Variants in MOXD1 observed in about 807,000 individuals in gnomAD.
MOXD1 encodes DBH-like monooxygenase protein 1.
In MOXD1, 62 loss-of-function variants were observed where a neutral mutation model predicts 66.6. The observed-to-expected ratio is 0.93, with a 90% CI of 0.76 to 1.15. The LOEUF (loss-of-function observed/expected upper bound fraction) is 1.15, where lower values mean the gene tolerates loss of function less well. Ranked by LOEUF, MOXD1 falls within the 50% of genes most tolerant of loss-of-function variation. MOXD1 has a pLI of 0.00. For synonymous variants in MOXD1, 303 were observed against 281.9 expected (o/e 1.07, Z -0.75); for missense variants, 847 against 754.6 (o/e 1.12, Z -1.44).
chr6:132,359,364 G>A (rs1775968078), intron 4 of MOXD1, among the ~76,000 whole-genome samples: 1 of 152,076 alleles, frequency 6.6e-6, no homozygotes, highest in Non-Finnish European at 1.5e-5. Flanking sequence ...GAAAGCCACT[G>A]CATCTGCCTA....
intron 10 of MOXD1, among the ~76,000 whole-genome samples, chr6:132,299,940 T>A (rs560963789): frequency 2.8e-4 from 43 of 152,016 alleles, no homozygotes; most frequent in African/African-American, 9.9e-4. Context: ...CTCAGGCACA[T>A]TGAATATCAT....
chr6:132,303,036 ATG>A, intron 10 of MOXD1, among the ~76,000 whole-genome samples: 1 of 152,154 alleles, frequency 6.6e-6, no homozygotes, highest in Non-Finnish European at 1.5e-5. Flanking sequence ...ACACACAAAA[ATG>A]TGTTCAAAAT....
At chr6:132,383,704 A>C (rs1218172386) in intron 1 of MOXD1, among the ~76,000 whole-genome samples, 5 of 152,192 alleles carry the variant, frequency 3.3e-5, no homozygotes, top group African/African-American at 1.2e-4. Context: ...TGGAAAAAAC[A>C]ATTTCAGACT....
rs546024574 is a variant in MOXD1, at chr6:132,296,210, T to C, written c.*943A>G. On this transcript the variant is annotated 3_prime_UTR_variant, in exon 12 of 12. Transcript: ENST00000367963. The stretch of plus-strand genomic sequence containing the variant: ...CAATTTAAAGTCATTTATTAACTAA[T>C]ATAAAAATAAATCTACAATAGAACC... 6.6e-6 allele frequency: 1 copy of C among 152,236 alleles called. No homozygotes were observed. Among genetic ancestry groups the C allele is most frequent in the South Asian group, 2.1e-4 (1 of 4,828 alleles). The allele number at this position is 152,236 out of a possible 1,614,324, so 9.4% of individuals were successfully genotyped here.
chr6:132,391,835 C>T (rs1393182497), intron 1 of MOXD1: 1 of 169,422 alleles, frequency 5.9e-6, no homozygotes, highest in Non-Finnish European at 1.3e-5. Flanking sequence ...TTAGGTCTGC[C>T]TGTTTCCTCA....
At chr6:132,333,205 G>A (rs1003519454) in intron 4 of MOXD1, among the ~76,000 whole-genome samples, 16 of 151,906 alleles carry the variant, frequency 1.1e-4, no homozygotes, top group African/African-American at 1.9e-4. Context: ...GCGTGGTAGC[G>A]GGCACCTGTA....
chr6:132,393,814 G>T (rs1776818599), intron 1 of MOXD1, among the ~76,000 whole-genome samples: 1 of 152,096 alleles, frequency 6.6e-6, no homozygotes, highest in African/African-American at 2.4e-5. Context: ...TTGGGCTGAG[G>T]CAGGAGCCAC....
chr6:132,313,807 T>C (rs896933594), intron 10 of MOXD1, among the ~76,000 whole-genome samples: 1 of 151,952 alleles, frequency 6.6e-6, no homozygotes, highest in African/African-American at 2.4e-5. Flanking sequence ...CCCAGCTACT[T>C]GGGAGGCTGA....
At chr6:132,341,531 T>C (rs1244569982) in intron 4 of MOXD1, among the ~76,000 whole-genome samples, 4 of 152,188 alleles carry the variant, frequency 2.6e-5, no homozygotes, top group Non-Finnish European at 5.9e-5. Flanking sequence ...TGACCAATCA[T>C]ATTCAATGGC....
chr6:132,397,684 A>AAGAAAGAAAGAAAG (rs1562303341), intron 1 of MOXD1, among the ~76,000 whole-genome samples: 1 of 134,570 alleles, frequency 7.4e-6, no homozygotes, highest in African/African-American at 2.8e-5. Context: ...GAAAGAAAGA[A>AAGAAAGAAAGAAAG]AGAAAGAAAG....
intron 10 of MOXD1, among the ~76,000 whole-genome samples, chr6:132,305,876 C>T (rs1280135470): frequency 6.6e-6 from 1 of 152,054 alleles, no homozygotes; most frequent in Non-Finnish European, 1.5e-5. Flanking sequence ...GCCTTGAATA[C>T]CAAAACTGGA....
intron 4 of MOXD1, among the ~76,000 whole-genome samples, chr6:132,336,044 T>C (rs1352736390): frequency 1.3e-5 from 2 of 152,318 alleles, no homozygotes; most frequent in East Asian, 3.9e-4. Flanking sequence ...AATTTTCCTG[T>C]ACTCATTCTT....
intron 1 of MOXD1, among the ~76,000 whole-genome samples, chr6:132,382,260 T>C (rs1776526390): frequency 6.6e-6 from 1 of 152,160 alleles, no homozygotes; most frequent in Non-Finnish European, 1.5e-5. Flanking sequence ...TGATTCTGTA[T>C]AAATTTTGTA....
chr6:132,328,053 CA>C lies in MOXD1; in HGVS notation c.905del (p.Val302GlyfsTer3). ...SLGTPLDPHY[V>X]LLEVHYDNPT... ...GATTATCATAATGGACTTCTAGGAG[CA>C]CATAATGCGGATCTAATGGAGTGCC... On this transcript the variant is annotated frameshift_variant, in exon 6 of 12. Coordinates refer to ENST00000367963, the MANE Select transcript of MOXD1 (RefSeq NM_015529.4). LOFTEE classifies it high-confidence loss of function. 1.2e-6 allele frequency: 2 copies of C among 1,613,808 alleles called. No homozygotes were observed. Among genetic ancestry groups the C allele is most frequent in the Non-Finnish European group, 1.7e-6 (2 of 1,179,802 alleles).
At chr6:132,358,812 A>G (rs1371977652) in intron 4 of MOXD1, among the ~76,000 whole-genome samples, 2 of 152,220 alleles carry the variant, frequency 1.3e-5, no homozygotes, top group African/African-American at 4.8e-5. Flanking sequence ...ACAAACATAC[A>G]TCTTTGGAGG....
Position 132,372,829 on chromosome 6 carries a change from C to A in MOXD1, c.579+1G>T, listed in dbSNP as rs369357379. 2.7e-5 allele frequency: 44 copies of A among 1,613,450 alleles called. No individual in the cohort carries two copies. The highest frequency in any genetic ancestry group is 1.2e-5 in the Non-Finnish European group (14 of 1,179,628). On this transcript the variant is annotated splice_donor_variant, in intron 3 of 11. Transcript: ENST00000367963. LOFTEE classifies it high-confidence loss of function. ...CAATCATAAAACCTGAAAACACTTA[C>A]GTCCTGATTTACCAGATCAAAGTAT... is the stretch of plus-strand genomic sequence containing the variant.
intron 1 of MOXD1, among the ~76,000 whole-genome samples, chr6:132,395,370 C>A (rs1278146394): frequency 6.6e-6 from 1 of 151,914 alleles, no homozygotes; most frequent in African/African-American, 2.4e-5. Context: ...ATAAAAACTA[C>A]TAGAGCAAAC....
intron 4 of MOXD1, among the ~76,000 whole-genome samples, chr6:132,328,804 G>A (rs1228614104): frequency 6.6e-6 from 1 of 152,120 alleles, no homozygotes; most frequent in East Asian, 1.9e-4. Flanking sequence ...CAACAAAGAT[G>A]AGATAACCAT....
chr6:132,364,163 T>A (rs555430907), intron 4 of MOXD1, among the ~76,000 whole-genome samples: 7 of 152,302 alleles, frequency 4.6e-5, no homozygotes, highest in African/African-American at 1.4e-4. Flanking sequence ...CAGAGGATAG[T>A]CACCAGTTGG....
Sources: gnomAD v4.1 joint callset for allele counts (sites outside exome capture counted in the v4.1 genomes callset) on GRCh38, gnomAD v4.1.1 for gene constraint, MANE v1.5 for transcripts, NCBI Gene and HGNC (gene_info 2026-07-23, HGNC 2026-07-21) for gene names.